The following BCL2 variants were observed in gnomAD, a reference collection of about 807,000 sequenced individuals.
BCL2 encodes the protein BCL2 apoptosis regulator, also known as apoptosis regulator Bcl-2.
BCL2 carries 1 observed loss-of-function variant against 14.2 expected under a neutral mutation model. The ratio of observed to expected loss-of-function variants is 0.07; its 90% CI spans 0.02 to 0.33. The LOEUF is 0.33. BCL2 is among the 10% of genes least tolerant of loss of function. BCL2 has a pLI of 0.99. For synonymous variants in BCL2, 151 were observed against 137.2 expected, an observed-to-expected ratio of 1.10 and a Z score of -0.70; for missense variants, 247 against 305.9, an observed-to-expected ratio of 0.81 and a Z score of 1.44.
At chr18:63,198,769 A>AGACACACACAAAGACACACAGT (rs1909559308) in intron 2 of BCL2, among the ~76,000 whole-genome samples, 2 of 146,980 alleles carry the variant, frequency 1.4e-5, no homozygotes, top group African/African-American at 5.0e-5. Flanking sequence ...ACTGACACAG[A>AGACACACACAAAGACACACAGT]GACACACAGA....
intron 2 of BCL2, among the ~76,000 whole-genome samples, chr18:63,220,455 C>T (rs1381793155): frequency 6.6e-6 from 1 of 152,140 alleles, no homozygotes; most frequent in African/African-American, 2.4e-5. Context: ...TTGCATAGGT[C>T]TACCAGGGAG....
intron 2 of BCL2, among the ~76,000 whole-genome samples, chr18:63,138,516 T>C (rs4987839): frequency 0.11 from 16,268 of 152,258 alleles, 1,403 homozygotes; most frequent in East Asian, 0.39. Context: ...AGCATATAAC[T>C]GAAGGACACA....
chr18:63,189,673 C>A (rs1490280087), intron 2 of BCL2, among the ~76,000 whole-genome samples: 2 of 151,924 alleles, frequency 1.3e-5, no homozygotes, highest in East Asian at 3.9e-4. Flanking sequence ...CGAATTATAC[C>A]TGGGAAAACG....
intron 2 of BCL2, among the ~76,000 whole-genome samples, chr18:63,169,053 T>C (rs1915117558): frequency 6.6e-6 from 1 of 152,240 alleles, no homozygotes. Flanking sequence ...CTGACTCTCC[T>C]GAAGTATCTC....
At chr18:63,248,080 A>G (rs1911203612) in intron 2 of BCL2, among the ~76,000 whole-genome samples, 1 of 152,176 alleles carries the variant, frequency 6.6e-6, no homozygotes, top group Non-Finnish European at 1.5e-5. Flanking sequence ...ACTCCCCTTC[A>G]TTTCACGCTT....
chr18:63,263,371 T>C (rs1333970690), intron 2 of BCL2, among the ~76,000 whole-genome samples: 3 of 152,210 alleles, frequency 2.0e-5, no homozygotes, highest in Non-Finnish European at 2.9e-5. Context: ...CAGTGCTCCT[T>C]GACTACAGAT....
chr18:63,204,476 A>G (rs1407861651), intron 2 of BCL2, among the ~76,000 whole-genome samples: 1 of 152,186 alleles, frequency 6.6e-6, no homozygotes, highest in East Asian at 1.9e-4. Context: ...ATTCCAACTG[A>G]GGTCAGACTC....
intron 2 of BCL2, among the ~76,000 whole-genome samples, chr18:63,310,054 G>T (rs549996768): frequency 5.3e-5 from 8 of 152,066 alleles, no homozygotes; most frequent in Admixed American, 5.2e-4. Context: ...GTAGAGAAAG[G>T]GTTTCACCAT....
chr18:63,191,155 A>G (rs914240451), intron 2 of BCL2, among the ~76,000 whole-genome samples: 1 of 152,232 alleles, frequency 6.6e-6, no homozygotes, highest in Non-Finnish European at 1.5e-5. Context: ...TAGTACTGCA[A>G]TAAACATACA....
intron 2 of BCL2, among the ~76,000 whole-genome samples, chr18:63,133,026 C>T (rs909013396): frequency 6.6e-6 from 1 of 152,186 alleles, no homozygotes; most frequent in Non-Finnish European, 1.5e-5. Flanking sequence ...ATGGGCAGGG[C>T]CTCAGCTCTG....
intron 2 of BCL2, among the ~76,000 whole-genome samples, chr18:63,212,678 C>T (rs940105176): frequency 6.6e-6 from 1 of 152,106 alleles, no homozygotes; most frequent in Non-Finnish European, 1.5e-5. Flanking sequence ...AGTTCGAGAG[C>T]AGCCTGGCCA....
intron 2 of BCL2, among the ~76,000 whole-genome samples, chr18:63,300,976 A>AT (rs1224682926): frequency 3.3e-5 from 5 of 152,308 alleles, no homozygotes; most frequent in African/African-American, 9.6e-5. Context: ...ATGACAACCA[A>AT]TTTTTTGAGA....
At chr18:63,284,299 C>T (rs1375966207) in intron 2 of BCL2, among the ~76,000 whole-genome samples, 1 of 152,148 alleles carries the variant, frequency 6.6e-6, no homozygotes, top group Non-Finnish European at 1.5e-5. Flanking sequence ...CATCATCAAC[C>T]ACCTCTGCCT....
intron 2 of BCL2, among the ~76,000 whole-genome samples, chr18:63,296,093 G>T (rs748360372): frequency 2.7e-4 from 41 of 152,184 alleles, no homozygotes; most frequent in Non-Finnish European, 5.0e-4. Flanking sequence ...TGCAGAGCAT[G>T]TTTGTGTGTA....
intron 2 of BCL2, among the ~76,000 whole-genome samples, chr18:63,312,024 C>T (rs545691101): frequency 6.6e-6 from 1 of 152,188 alleles, no homozygotes; most frequent in African/African-American, 2.4e-5. Flanking sequence ...TTTCTCTGCA[C>T]AGGTTAAAGT....
chr18:63,279,519 T>C (rs1164667840), intron 2 of BCL2, among the ~76,000 whole-genome samples: 1 of 152,202 alleles, frequency 6.6e-6, no homozygotes. Context: ...AGACTGACAG[T>C]TCTAAGTTTG....
At position 63,128,513 on chromosome 18, in the gene BCL2, T is replaced by G; in HGVS notation, c.*112A>C. On this transcript the variant is annotated 3_prime_UTR_variant, in exon 3 of 3. Transcript: ENST00000333681. ...TGTGTGATGTTTATATGTGTGTTATTTTTTCTTAAACAGCCTGCAGCTTTG... is the reference window on the plus strand; with the variant it reads ...TGTGTGATGTTTATATGTGTGTTATGTTTTCTTAAACAGCCTGCAGCTTTG... The G allele has an allele frequency of 3.0e-6, 2 of 666,778 alleles. No homozygotes were observed. Among genetic ancestry groups the G allele is most frequent in the Non-Finnish European group, 2.8e-6 (1 of 358,304 alleles). The allele number at this position is 666,778 out of a possible 1,614,324, so 41.3% of individuals were successfully genotyped here.
intron 2 of BCL2, among the ~76,000 whole-genome samples, chr18:63,218,545 C>T (rs1224899929): frequency 1.4e-5 from 2 of 147,220 alleles, no homozygotes; most frequent in African/African-American, 5.0e-5. Context: ...CACAACCTCC[C>T]TGGAAATCCA....
chr18:63,137,722 G>A (rs1165926681), intron 2 of BCL2, among the ~76,000 whole-genome samples: 1 of 152,194 alleles, frequency 6.6e-6, no homozygotes, highest in East Asian at 1.9e-4. Flanking sequence ...AAGAAAGGGA[G>A]TAGCATTTTC....
Sources: allele counts gnomAD v4.1 joint callset (sites outside exome capture counted in the v4.1 genomes callset), GRCh38; gene constraint gnomAD v4.1.1; transcripts MANE v1.5; gene names NCBI Gene and HGNC (gene_info 2026-07-23, HGNC 2026-07-21).